The following DNASE1L3 variants were observed in gnomAD, a reference collection of about 807,000 sequenced individuals.
The protein encoded by DNASE1L3 is deoxyribonuclease gamma.
A neutral mutation model predicts 30.9 loss-of-function variants in DNASE1L3; 27 were observed. That is an observed-to-expected ratio of 0.87 (90% CI 0.64 to 1.20). DNASE1L3 has a LOEUF of 1.20. Among genes scored for constraint, DNASE1L3 ranks in the 50% most tolerant of loss-of-function variants. The pLI, the probability that DNASE1L3 is intolerant of heterozygous loss-of-function variation, is 0.00. For synonymous variants in DNASE1L3, 135 were observed against 138.0 expected, an observed-to-expected ratio of 0.98 and a Z score of 0.15; for missense variants, 364 against 378.2, an observed-to-expected ratio of 0.96 and a Z score of 0.31.
Position 58,197,433 on chromosome 3 carries a change from G to A in DNASE1L3, c.704+388C>T, listed in dbSNP as rs554197693. ...TTTAATTGACTCAGCTCTGCAAGCAGTGTGCTTTTCTTATTTTTATTTTTA... is the reference window on the plus strand; with the variant it reads ...TTTAATTGACTCAGCTCTGCAAGCAATGTGCTTTTCTTATTTTTATTTTTA... On this transcript the variant is annotated intron_variant, in intron 6 of 7. Transcript: ENST00000394549. The surrounding 1 kb of genome is among the most constrained non-coding windows in gnomAD (Gnocchi z 5.3). Among the ~76,000 whole-genome samples, 9 of 152,204 alleles carry A rather than the reference G, an allele frequency of 5.9e-5. No individual in the cohort carries two copies. The South Asian group carries it at 1.5e-3, about 25-fold the overall frequency.
At chr3:58,208,327 A>G in intron 1 of DNASE1L3, 21 bp from the exon 2 acceptor site, 1 of 1,612,760 alleles carries the variant, frequency 6.2e-7, no homozygotes, top group Non-Finnish European at 8.5e-7. Flanking sequence ...GAGAATTCCC[A>G]GGGGTTTGAG....
intron 2 of DNASE1L3, among the ~76,000 whole-genome samples, chr3:58,207,142 G>A (rs533308936): frequency 4.4e-4 from 67 of 152,166 alleles, no homozygotes; most frequent in African/African-American, 1.6e-3. Flanking sequence ...AGGCTGAGAG[G>A]GGCAGATCAC....
At position 58,192,549 on chromosome 3, in the gene DNASE1L3, T is replaced by A; in HGVS notation, c.*138A>T. On this transcript the variant is annotated 3_prime_UTR_variant, in exon 8 of 8. Transcript: ENST00000394549. The surrounding 1 kb of genome is among the most constrained non-coding windows in gnomAD (Gnocchi z 4.8). ...CAAAAGATTCTCCTTCCAATTTGGC[T>A]CAAGTCAGAATAAATTCAGGTCAAA... 1 of 944,746 alleles carries A rather than the reference T, an allele frequency of 1.1e-6. No individual in the cohort carries two copies. Among genetic ancestry groups the A allele is most frequent in the Non-Finnish European group, 1.6e-6 (1 of 636,040 alleles). 58.5% of individuals were successfully genotyped at this position (944,746 alleles called of 1,614,324 possible).
At chr3:58,205,447 C>A (rs370250390) in intron 3 of DNASE1L3, 24 bp downstream of exon 3, 18 of 1,596,716 alleles carry the variant, frequency 1.1e-5, no homozygotes, top group Non-Finnish European at 1.4e-5. Context: ...TGGCCATGTT[C>A]CAGGGAGCAT....
chr3:58,208,281 A>C lies in DNASE1L3; in HGVS notation c.167T>G (p.Leu56Arg), dbSNP rs2097405359. 3 of 1,614,214 alleles carry C rather than the reference A, an allele frequency of 1.9e-6. No individual in the cohort carries two copies. The African/African-American group carries it at 4.0e-5, about 22-fold the overall frequency. ...GTTGCTGTCCTTGATTTCCATCACG[A>C]GTATGATGTCACAGCGTTTGATGAC... The part of the protein sequence containing the change: ...VKVIKRCDII[L>R]VMEIKDSNNR... Residue 56 changes from leucine to arginine, a missense_variant, in exon 2 of 8, where the codon CTC becomes CGC. Physicochemically the swap from Leu to Arg is moderately radical, Grantham distance 102. Coordinates refer to ENST00000394549, the MANE Select transcript of DNASE1L3 (RefSeq NM_004944.4).
chr3:58,205,201 C>A (rs1221799916), intron 3 of DNASE1L3, among the ~76,000 whole-genome samples: 2 of 152,220 alleles, frequency 1.3e-5, no homozygotes, highest in African/African-American at 4.8e-5. Flanking sequence ...AGCTTTCCAG[C>A]CCTGGGCCAG....
At chr3:58,196,878 TA>T (rs1288091363) in intron 6 of DNASE1L3, among the ~76,000 whole-genome samples, 2 of 152,282 alleles carry the variant, frequency 1.3e-5, no homozygotes, top group Non-Finnish European at 2.9e-5. Context: ...TAGGAATATG[TA>T]GCTAAAGCTT....
Position 58,204,820 on chromosome 3 carries a change from C to T in DNASE1L3, c.382G>A (p.Asp128Asn). 6.2e-7 allele frequency: 1 copy of T among 1,614,200 alleles called. No homozygotes were observed. Among genetic ancestry groups the T allele is most frequent in the Non-Finnish European group, 8.5e-7 (1 of 1,180,030 alleles). ...ACAAAGGGCTCCCTGGAAAACACAT[C>T]TGCGTCTCCATCCTGATAGTCATGG... ...HYHDYQDGDA[D>N]VFSREPFVVW... is the part of the protein sequence containing the mutation. The change falls in exon 4 of 8, where the codon GAT becomes AAT. Residue 128 changes from aspartate (D) to asparagine (N), a missense_variant. Asp to Asn is a conservative substitution (Grantham distance 23). Coordinates refer to ENST00000394549, the MANE Select transcript of DNASE1L3 (RefSeq NM_004944.4).
chr3:58,195,503 C>T (rs2097396659), intron 6 of DNASE1L3, among the ~76,000 whole-genome samples: 1 of 151,000 alleles, frequency 6.6e-6, no homozygotes, highest in Non-Finnish European at 1.5e-5. Flanking sequence ...CATGGTGGCT[C>T]ACACCTGTAA....
intron 1 of DNASE1L3, among the ~76,000 whole-genome samples, chr3:58,209,366 G>C (rs1438901142): frequency 6.6e-6 from 1 of 152,228 alleles, no homozygotes; most frequent in Non-Finnish European, 1.5e-5. Flanking sequence ...TGAGGAAGGA[G>C]ATGGGAACTC....
At position 58,208,251 on chromosome 3, in the gene DNASE1L3, C is replaced by A; in HGVS notation, c.197G>T (p.Arg66Met). The change falls in exon 2 of 8, where the codon AGG (arginine) becomes ATG (methionine). Residue 66 changes from arginine to methionine, a missense_variant. Arg to Met is a moderately conservative substitution (Grantham distance 91). Coordinates refer to ENST00000394549, the MANE Select transcript of DNASE1L3 (RefSeq NM_004944.4). ...LVMEIKDSNN[R>M]ICPILMEKLN... ...CTTCTCCATCAGTATGGGGCAGATC[C>A]TGTTGTTGCTGTCCTTGATTTCCAT... 6.2e-7 allele frequency: 1 copy of A among 1,614,190 alleles called. No homozygotes were observed. The highest frequency in any genetic ancestry group is 8.5e-7 in the Non-Finnish European group (1 of 1,180,028).
In DNASE1L3 at chr3:58,210,849, C is replaced by G. The variant is rs2107385071; in HGVS notation, c.58G>C (p.Ala20Pro). 6.2e-7 allele frequency: 1 copy of G among 1,614,126 alleles called. No individual in the cohort carries two copies. The highest frequency in any genetic ancestry group is 2.2e-5 in the East Asian group (1 of 44,872). ...LLLLSIHSAL[A>P]MRICSFNVRS... ...ACGTTGAAGGAGCAGATCCTCATGG[C>G]CAGGGCGCTGTGGATGGAGAGGAGG... Residue 20 changes from alanine (A) to proline (P), a missense_variant, in exon 1 of 8, where the codon GCC becomes CCC. Coordinates refer to ENST00000394549, the MANE Select transcript of DNASE1L3 (RefSeq NM_004944.4).
At chr3:58,193,069 A>G in intron 7 of DNASE1L3, 1 of 1,412,524 alleles carries the variant, frequency 7.1e-7, no homozygotes, top group Non-Finnish European at 9.1e-7. Context: ...GGTGGCATCA[A>G]CCCATCTTTT....
rs879423006 is a variant in DNASE1L3, at chr3:58,210,273, AAAAG to A, written c.141+489_141+492del. 3.2e-3 allele frequency among the ~76,000 whole-genome samples: 487 copies of A among 152,110 alleles called. 4 individuals are homozygous for A. The highest frequency in any genetic ancestry group is 0.011 in the African/African-American group (466 of 41,500). ...GAAAGAAAGAAAGAGAGAAAGAAAG[AAAAG>A]AAAGAAAGAAGAAAAGGAAAGAGAG... On this transcript the variant is annotated intron_variant, in intron 1 of 7. Transcript: ENST00000394549.
Position 58,204,837 on chromosome 3 carries a change from T to C in DNASE1L3, c.365A>G (p.Tyr122Cys). ...SVKRSYHYHD[Y>C]QDGDADVFSR... ...AAACACATCTGCGTCTCCATCCTGA[T>C]AGTCATGGTAGTGATAACTCCTCTT... is the stretch of plus-strand genomic sequence containing the variant. The change falls in exon 4 of 8, where the codon TAT becomes TGT. Residue 122 changes from tyrosine (Y) to cysteine (C), a missense_variant. Coordinates refer to ENST00000394549, the MANE Select transcript of DNASE1L3 (RefSeq NM_004944.4). The C allele has an allele frequency of 6.2e-7, 1 of 1,614,166 alleles. No individual in the cohort carries two copies.
intron 4 of DNASE1L3, among the ~76,000 whole-genome samples, chr3:58,202,441 G>T (rs1280871258): frequency 6.7e-6 from 1 of 149,084 alleles, no homozygotes; most frequent in Non-Finnish European, 1.5e-5. Context: ...GGGATTACAG[G>T]TGTGAGCCAC....
At chr3:58,203,774 T>C (rs1418501097) in intron 4 of DNASE1L3, among the ~76,000 whole-genome samples, 1 of 151,778 alleles carries the variant, frequency 6.6e-6, no homozygotes, top group Non-Finnish European at 1.5e-5. Flanking sequence ...CATTCCAGAC[T>C]GGATGACAGA....
At chr3:58,206,494 T>C (rs1056439668) in intron 2 of DNASE1L3, among the ~76,000 whole-genome samples, 2 of 152,140 alleles carry the variant, frequency 1.3e-5, no homozygotes, top group Non-Finnish European at 2.9e-5. Flanking sequence ...GAACATAGCC[T>C]GCCAAGTCCT....
chr3:58,200,852 G>A lies in DNASE1L3; in HGVS notation c.546+145C>T. 3 of 585,312 alleles carry A rather than the reference G, an allele frequency of 5.1e-6. No homozygotes were observed. The highest frequency in any genetic ancestry group is 8.8e-6 in the Non-Finnish European group (3 of 340,550). The allele number at this position is 585,312 out of a possible 1,614,324, so 36.3% of individuals were successfully genotyped here. A position where few individuals can be genotyped will look rare whatever the true frequency, so the allele number is the denominator to read the frequency against. On this transcript the variant is annotated intron_variant, in intron 5 of 7. Coordinates refer to ENST00000394549, the MANE Select transcript of DNASE1L3 (RefSeq NM_004944.4). This position sits in a 1 kb window ranked among gnomAD's most constrained non-coding sequence, Gnocchi z 4.2. ...TTTAGCAAAAGGGATACTTAGGGCT[G>A]AAGAAAGGCCTTAAAGAATGCTGTA...
Sources: allele counts gnomAD v4.1 joint callset (sites outside exome capture counted in the v4.1 genomes callset), GRCh38; gene constraint gnomAD v4.1.1; non-coding constraint Gnocchi (gnomAD v3.1); transcripts MANE v1.5; gene names NCBI Gene and HGNC (gene_info 2026-07-23, HGNC 2026-07-21).